GLP2R: variants seen among roughly 807,000 people sequenced by gnomAD.
GLP2R encodes glucagon like peptide 2 receptor.
In GLP2R, 59 loss-of-function variants were observed where a neutral mutation model predicts 68.2. The ratio of observed to expected loss-of-function variants is 0.87; its 90% CI spans 0.70 to 1.07. The LOEUF (loss-of-function observed/expected upper bound fraction) is 1.07. Ranked by LOEUF, GLP2R falls within the 50% of genes least tolerant of loss-of-function variation. The pLI is 0.00. For missense variants in GLP2R, 548 were observed against 677.4 expected, an observed-to-expected ratio of 0.81 and a Z score of 2.12; for synonymous variants, 270 against 265.4, an observed-to-expected ratio of 1.02 and a Z score of -0.17.
chr17:9,869,288 C>G (rs2067069442), intron 9 of GLP2R, among the ~76,000 whole-genome samples: 1 of 152,228 alleles, frequency 6.6e-6, no homozygotes, highest in Non-Finnish European at 1.5e-5. Flanking sequence ...TGCAGAAGTA[C>G]AAATCTGATC....
chr17:9,878,846 G>C (rs1198955432), intron 10 of GLP2R, among the ~76,000 whole-genome samples: 1 of 152,154 alleles, frequency 6.6e-6, no homozygotes, highest in Non-Finnish European at 1.5e-5. Context: ...AACTGCGAAT[G>C]CCACCCTGTT....
intron 7 of GLP2R, 33 bp from the exon 8 acceptor site, chr17:9,861,106 T>C: frequency 6.3e-7 from 1 of 1,595,528 alleles, no homozygotes; most frequent in South Asian, 1.1e-5. Flanking sequence ...GCCAACCAAC[T>C]CCTAACTACA....
At chr17:9,865,332 G>GTT (rs2067025420) in intron 9 of GLP2R, among the ~76,000 whole-genome samples, 1 of 152,102 alleles carries the variant, frequency 6.6e-6, no homozygotes, top group South Asian at 2.1e-4. Flanking sequence ...GTGTGTGTGT[G>GTT]TGTGCAGACC....
intron 4 of GLP2R, among the ~76,000 whole-genome samples, chr17:9,850,894 TGTTGGCCAG>T: frequency 6.6e-6 from 1 of 152,164 alleles, no homozygotes; most frequent in Non-Finnish European, 1.5e-5. Context: ...GGGTTTGCCA[TGTTGGCCAG>T]GTTGGTCTCG....
intron 10 of GLP2R, 110 bp from the exon 11 acceptor site, chr17:9,880,268 A>C: frequency 1.5e-6 from 1 of 683,390 alleles, no homozygotes. Context: ...CATCTGGGAA[A>C]CAACTATCAA....
rs376394886 is a variant in GLP2R at position 9,854,601 on chromosome 17, G to A, written c.611G>A (p.Arg204Gln). 2.0e-5 allele frequency: 31 copies of A among 1,544,116 alleles called. No homozygotes were observed. The highest frequency in any genetic ancestry group is 3.3e-5 in the South Asian group (3 of 89,614). Residue 204 changes from arginine to glutamine, a missense_variant and splice_region_variant, in exon 5 of 13, where the codon CGA becomes CAA. Arg to Gln is a conservative substitution (Grantham distance 43, BLOSUM62 1). Coordinates refer to ENST00000262441, the MANE Select transcript of GLP2R (RefSeq NM_004246.3). Reference protein sequence around the residue: ...FLALTLLLFLRKLHCTRNYIH... With the variant: ...FLALTLLLFLQKLHCTRNYIH... ...GCTCTCACCCTCCTCTTGTTTCTTC[G>A]GTGAGTAGAACTTCTGCAGGCATGT...
intron 4 of GLP2R, among the ~76,000 whole-genome samples, chr17:9,846,287 A>AG (rs1244085836): frequency 1.3e-5 from 2 of 152,214 alleles, no homozygotes; most frequent in Non-Finnish European, 1.5e-5. Context: ...GGATAGACCA[A>AG]GGGGTAGATA....
At chr17:9,861,507 C>G (rs2066987224) in intron 8 of GLP2R, among the ~76,000 whole-genome samples, 1 of 152,052 alleles carries the variant, frequency 6.6e-6, no homozygotes, top group Admixed American at 6.6e-5. Flanking sequence ...ATTAACAAAA[C>G]TAAACAAACA....
intron 9 of GLP2R, chr17:9,867,046 A>T (rs2067045182): frequency 6.6e-6 from 1 of 152,268 alleles, no homozygotes; most frequent in African/African-American, 2.4e-5. Context: ...AACTGAAGTA[A>T]GAAAGAGTAA....
rs1338986866 is a variant in GLP2R at position 9,848,305 on chromosome 17, T to C, written c.504+5689T>C. On this transcript the variant is annotated intron_variant, in intron 4 of 12. Coordinates refer to ENST00000262441, the MANE Select transcript of GLP2R (RefSeq NM_004246.3). ...GAGAACAACAACAAAGTCACAGTTA[T>C]ATTTGACTATCACCCCCAAACCTCT... 2.0e-5 allele frequency among the ~76,000 whole-genome samples: 3 copies of C among 152,320 alleles called. No individual in the cohort carries two copies. The East Asian group carries it at 5.8e-4, about 29-fold the overall frequency.
intron 9 of GLP2R, among the ~76,000 whole-genome samples, chr17:9,864,982 T>A (rs958546678): frequency 3.9e-5 from 6 of 152,206 alleles, no homozygotes; most frequent in Non-Finnish European, 7.3e-5. Flanking sequence ...TCACTTTGGA[T>A]AAAATGACCT....
intron 4 of GLP2R, among the ~76,000 whole-genome samples, chr17:9,848,888 TGTGTGTGC>T (rs2066865550): frequency 6.9e-6 from 1 of 145,624 alleles, no homozygotes; most frequent in African/African-American, 2.5e-5. Context: ...TGTGTGTGTG[TGTGTGTGC>T]GCTCACATAA....
Position 9,860,927 on chromosome 17 carries a change from C to T in GLP2R, c.926-212C>T, listed in dbSNP as rs12150167. ...AGCTGCTTTGTGACAAGTATCCAGT[C>T]GCTTTCCCCCTCTGGGCCCTGGTTT... On this transcript the variant is annotated intron_variant, in intron 7 of 12. Transcript: ENST00000262441. 2.5e-4 allele frequency among the ~76,000 whole-genome samples: 38 copies of T among 152,150 alleles called. 1 individual carries two copies. The highest frequency in any genetic ancestry group is 8.7e-4 in the African/African-American group (36 of 41,532).
chr17:9,873,556 C>CTTTTTTTTTTTTTTTT (rs3073988), intron 10 of GLP2R, among the ~76,000 whole-genome samples: 3 of 52,058 alleles, frequency 5.8e-5, no homozygotes, highest in East Asian at 4.5e-4. Context: ...TATGCATGGA[C>CTTTTTTTTTTTTTTTT]TTTTTTTTTT....
rs550550526 is a variant in GLP2R at position 9,888,546 on chromosome 17, A to T, written c.1326+573A>T. ...CAGTGGCATGATACCAGCTCACTGCAACCTCTGCCTCCCAGATTCAAGCGA... is the reference window on the plus strand; with the variant it reads ...CAGTGGCATGATACCAGCTCACTGCTACCTCTGCCTCCCAGATTCAAGCGA... On this transcript the variant is annotated intron_variant, in intron 12 of 12. Coordinates refer to ENST00000262441, the MANE Select transcript of GLP2R (RefSeq NM_004246.3). Among the ~76,000 whole-genome samples, 794 of 152,296 alleles carry T rather than the reference A, an allele frequency of 5.2e-3. 9 individuals are homozygous for T. Among genetic ancestry groups the T allele is most frequent in the African/African-American group, 0.018 (751 of 41,570 alleles).
chr17:9,827,647 T>C (rs903076085), intron 1 of GLP2R, among the ~76,000 whole-genome samples: 2 of 152,104 alleles, frequency 1.3e-5, no homozygotes, highest in African/African-American at 4.8e-5. Flanking sequence ...GTTCCACTTG[T>C]CTGAATAACG....
intron 11 of GLP2R, among the ~76,000 whole-genome samples, chr17:9,882,701 T>C (rs1035532282): frequency 6.6e-6 from 1 of 152,202 alleles, no homozygotes; most frequent in African/African-American, 2.4e-5. Flanking sequence ...TGATCAATCA[T>C]TGGCTGATTA....
At chr17:9,845,744 T>TGC (rs1386350999) in intron 4 of GLP2R, among the ~76,000 whole-genome samples, 10 of 115,386 alleles carry the variant, frequency 8.7e-5, no homozygotes, top group African/African-American at 4.5e-4. Context: ...TATGTGTGTG[T>TGC]GTGCGTGTGT....
intron 1 of GLP2R, among the ~76,000 whole-genome samples, chr17:9,831,424 A>G (rs1335203966): frequency 3.3e-5 from 5 of 152,104 alleles, no homozygotes; most frequent in Non-Finnish European, 5.9e-5. Context: ...AAGATGGATA[A>G]GTGGCCCACC....
Sources: allele counts gnomAD v4.1 joint callset (sites outside exome capture counted in the v4.1 genomes callset), GRCh38; gene constraint gnomAD v4.1.1; transcripts MANE v1.5; gene names NCBI Gene and HGNC (gene_info 2026-07-23, HGNC 2026-07-21).